Variants in SAMD12 observed in about 807,000 individuals in gnomAD.
The protein encoded by SAMD12 is sterile alpha motif domain containing 12.
Under a neutral mutation model 15.0 loss-of-function variants are expected in SAMD12, and 9 were observed. That is an observed-to-expected ratio of 0.60 (90% CI 0.36 to 1.05). SAMD12 has a LOEUF of 1.05. SAMD12 is among the 50% of genes least tolerant of loss of function. The probability of loss-of-function intolerance (pLI) is 0.01; values close to 1 mark genes in which losing one functional copy is unlikely to be tolerated. For synonymous variants in SAMD12, 86 were observed against 90.1 expected (o/e 0.96, Z 0.25); for missense variants, 230 against 234.2 (o/e 0.98, Z 0.12).
At chr8:118,360,792 T>C (rs1187941852) in intron 4 of SAMD12, among the ~76,000 whole-genome samples, 1 of 152,224 alleles carries the variant, frequency 6.6e-6, no homozygotes, top group Admixed American at 6.5e-5. Flanking sequence ...AAGAATTTCT[T>C]TAATTGCATT....
chr8:118,304,676 C>T (rs1055895632), intron 4 of SAMD12, among the ~76,000 whole-genome samples: 2 of 151,598 alleles, frequency 1.3e-5, no homozygotes, highest in East Asian at 1.9e-4. Flanking sequence ...AGGGGAATGG[C>T]GTGAACCCGG....
chr8:118,492,930 T>C (rs539865644), intron 2 of SAMD12, among the ~76,000 whole-genome samples: 26 of 152,192 alleles, frequency 1.7e-4, no homozygotes, highest in Non-Finnish European at 2.8e-4. Flanking sequence ...AAATCTCCAA[T>C]CAAAGATACT....
chr8:118,560,629 G>C (rs1252469103), intron 2 of SAMD12, among the ~76,000 whole-genome samples: 1 of 152,158 alleles, frequency 6.6e-6, no homozygotes, highest in Non-Finnish European at 1.5e-5. Context: ...TTTGACAAGA[G>C]AGCATGTACA....
intron 2 of SAMD12, among the ~76,000 whole-genome samples, chr8:118,536,779 T>C (rs1275958554): frequency 6.6e-6 from 1 of 152,246 alleles, no homozygotes; most frequent in African/African-American, 2.4e-5. Context: ...TCTTTCAGTC[T>C]TTCTACTCAA....
chr8:118,212,679 A>G (rs967942056), intron 4 of SAMD12, among the ~76,000 whole-genome samples: 5 of 152,214 alleles, frequency 3.3e-5, no homozygotes, highest in African/African-American at 1.2e-4. Flanking sequence ...GGCATACAAG[A>G]CACATTTTTC....
At chr8:118,312,474 TTCC>T (rs974405733) in intron 4 of SAMD12, among the ~76,000 whole-genome samples, 3 of 152,210 alleles carry the variant, frequency 2.0e-5, no homozygotes, top group African/African-American at 4.8e-5. Context: ...ACAGGGCCAC[TTCC>T]TCTTCTCTTT....
At chr8:118,475,706 T>C (rs1347763632) in intron 2 of SAMD12, among the ~76,000 whole-genome samples, 1 of 152,224 alleles carries the variant, frequency 6.6e-6, no homozygotes, top group African/African-American at 2.4e-5. Context: ...TGAGGCTTAC[T>C]ACACACAAAA....
chr8:118,454,563 A>G (rs1823185775), intron 2 of SAMD12, among the ~76,000 whole-genome samples: 1 of 152,204 alleles, frequency 6.6e-6, no homozygotes, highest in Non-Finnish European at 1.5e-5. Context: ...TAGAATGTCT[A>G]TTACTAAATA....
chr8:118,310,401 C>G (rs977152294), intron 4 of SAMD12, among the ~76,000 whole-genome samples: 2 of 152,216 alleles, frequency 1.3e-5, no homozygotes, highest in Admixed American at 6.5e-5. Flanking sequence ...GACTCCTTTG[C>G]AGCTAGATTG....
chr8:118,341,947 C>T (rs1817386561), intron 4 of SAMD12, among the ~76,000 whole-genome samples: 1 of 152,194 alleles, frequency 6.6e-6, no homozygotes, highest in Admixed American at 6.5e-5. Flanking sequence ...TGGCCCATGC[C>T]CACCATTGTG....
At chr8:118,417,965 A>T (rs1488359090) in intron 3 of SAMD12, among the ~76,000 whole-genome samples, 1 of 152,184 alleles carries the variant, frequency 6.6e-6, no homozygotes, top group Non-Finnish European at 1.5e-5. Flanking sequence ...CCCATTTCAG[A>T]TGTATGACCT....
chr8:118,464,960 G>C (rs949285899), intron 2 of SAMD12, among the ~76,000 whole-genome samples: 1 of 152,128 alleles, frequency 6.6e-6, no homozygotes, highest in Admixed American at 6.5e-5. Context: ...TAAATGGTTT[G>C]GTCTTTGTGG....
intron 4 of SAMD12, among the ~76,000 whole-genome samples, chr8:118,230,185 G>A (rs150417536): frequency 1.1e-4 from 16 of 152,258 alleles, no homozygotes; most frequent in African/African-American, 3.6e-4. Context: ...ACCATGCTAA[G>A]CGTTTCACTT....
chr8:118,597,285 G>C (rs1006696742), intron 1 of SAMD12, among the ~76,000 whole-genome samples: 2 of 152,176 alleles, frequency 1.3e-5, no homozygotes, highest in African/African-American at 4.8e-5. Flanking sequence ...GGCCCCATCA[G>C]ACCATTGTAG....
intron 2 of SAMD12, among the ~76,000 whole-genome samples, chr8:118,566,475 C>A (rs1331765877): frequency 1.3e-5 from 2 of 152,206 alleles, no homozygotes; most frequent in South Asian, 2.1e-4. Context: ...GTAGAACTCA[C>A]TTCTGTCTTG....
chr8:118,561,351 T>G (rs1826695350), intron 2 of SAMD12, among the ~76,000 whole-genome samples: 1 of 152,230 alleles, frequency 6.6e-6, no homozygotes, highest in Non-Finnish European at 1.5e-5. Context: ...AAATAGAAAT[T>G]AAAAGCATTT....
intron 2 of SAMD12, among the ~76,000 whole-genome samples, chr8:118,467,564 A>G (rs1414426955): frequency 6.6e-6 from 1 of 152,178 alleles, no homozygotes; most frequent in African/African-American, 2.4e-5. Context: ...TCTTTGCCAC[A>G]ACGGAAACTC....
rs575296758 is a variant in SAMD12 at position 118,621,896 on chromosome 8, G to C, written c.-80C>G. 2.7e-6 allele frequency: 4 copies of C among 1,486,600 alleles called. No homozygotes were observed. The highest frequency in any genetic ancestry group is 3.8e-6 in the Non-Finnish European group (4 of 1,063,940). The allele number at this position is 1,486,600 out of a possible 1,614,324, so 92.1% of individuals were successfully genotyped here. A position where few individuals can be genotyped will look rare whatever the true frequency, so the allele number is the denominator to read the frequency against. ...TGCCCCGCGCTCCCCCCTTCCTCTC[G>C]CTTTCGCCTAAATATTCTGCGCTTA... On this transcript the variant is annotated 5_prime_UTR_variant, in exon 1 of 4. Coordinates refer to ENST00000314727, the MANE Select transcript of SAMD12 (RefSeq NM_207506.3).
intron 2 of SAMD12, among the ~76,000 whole-genome samples, chr8:118,476,204 C>A (rs891520482): frequency 6.6e-6 from 1 of 152,158 alleles, no homozygotes; most frequent in Non-Finnish European, 1.5e-5. Flanking sequence ...TGATCACCTA[C>A]TAGGAGAGAC....
Sources: allele counts gnomAD v4.1 joint callset (sites outside exome capture counted in the v4.1 genomes callset), GRCh38; gene constraint gnomAD v4.1.1; transcripts MANE v1.5; gene names NCBI Gene and HGNC (gene_info 2026-07-23, HGNC 2026-07-21).